Variants in MAGI1 observed in about 807,000 individuals in gnomAD.
MAGI1 encodes the protein membrane-associated guanylate kinase, WW and PDZ domain-containing protein 1.
In MAGI1, 58 loss-of-function variants were observed where a neutral mutation model predicts 139.9. The ratio of observed to expected loss-of-function variants is 0.41; its 90% CI spans 0.34 to 0.52. The LOEUF is 0.52. Ranked by LOEUF, MAGI1 falls within the 20% of genes least tolerant of loss-of-function variation. MAGI1 has a pLI of 0.12. For missense variants in MAGI1, 1,874 were observed against 1,901.6 expected (o/e 0.99, Z 0.27); for synonymous variants, 812 against 737.9 (o/e 1.10, Z -1.63).
At chr3:65,387,697 T>A (rs1451433811) in intron 14 of MAGI1, among the ~76,000 whole-genome samples, 1 of 152,194 alleles carries the variant, frequency 6.6e-6, no homozygotes, top group Non-Finnish European at 1.5e-5. Flanking sequence ...GCCAGAATAG[T>A]CTTATATTTA....
At chr3:65,604,609 T>C (rs1423104180) in intron 2 of MAGI1, among the ~76,000 whole-genome samples, 8 of 152,108 alleles carry the variant, frequency 5.3e-5, no homozygotes, top group Admixed American at 3.9e-4. Context: ...GTTTTCCTTA[T>C]AAGAACCTTT....
chr3:65,751,826 T>C (rs542860346), intron 1 of MAGI1, among the ~76,000 whole-genome samples: 3 of 152,380 alleles, frequency 2.0e-5, no homozygotes, highest in East Asian at 1.9e-4. Flanking sequence ...TCAAAAGACT[T>C]GATCTCCATC....
At chr3:65,495,123 T>G (rs867514084) in intron 2 of MAGI1, among the ~76,000 whole-genome samples, 3 of 152,244 alleles carry the variant, frequency 2.0e-5, no homozygotes, top group Middle Eastern at 6.8e-3. Flanking sequence ...ACAGGAAACA[T>G]AGAGACAGTA....
At chr3:65,359,211 A>G in intron 22 of MAGI1, 4 of 1,600,410 alleles carry the variant, frequency 2.5e-6, no homozygotes, top group Middle Eastern at 1.9e-4. Flanking sequence ...AGAGAGAAAG[A>G]GAAAAAGTTG....
In MAGI1 at chr3:65,538,392, C is replaced by T. The variant is rs149299502; in HGVS notation, c.431-44761G>A. Reference sequence around the variant, plus strand: ...AGATTAAAAGATACACACCATCCTTCCATGTGGTGATAAAAAACACTGATC... The same window carrying T: ...AGATTAAAAGATACACACCATCCTTTCATGTGGTGATAAAAAACACTGATC... On this transcript the variant is annotated intron_variant, in intron 2 of 22. Coordinates refer to ENST00000402939, the MANE Select transcript of MAGI1 (RefSeq NM_001033057.2). 1.1e-3 allele frequency among the ~76,000 whole-genome samples: 169 copies of T among 152,264 alleles called. 4 individuals carry two copies. In the South Asian group the frequency reaches 0.013, roughly 12 times the overall value.
chr3:65,370,665 G>T (rs1019910856), intron 18 of MAGI1, among the ~76,000 whole-genome samples: 2 of 152,066 alleles, frequency 1.3e-5, no homozygotes, highest in East Asian at 3.9e-4. Flanking sequence ...CTGAGACATG[G>T]TCTCAGTCTG....
Position 65,470,294 on chromosome 3 carries a change from G to T in MAGI1, c.948C>A (p.Val316=). 1 of 1,604,074 alleles carries T rather than the reference G, an allele frequency of 6.2e-7. No individual in the cohort carries two copies. Among genetic ancestry groups the T allele is most frequent in the Non-Finnish European group, 8.5e-7 (1 of 1,171,084 alleles). The change falls in exon 5 of 23, where the codon GTC becomes GTA. Residue 316 remains valine, a synonymous_variant. Transcript: ENST00000402939. The part of the protein sequence containing the change: ...WEMAYTENGE[V]YFIDHNTKTT... Reference sequence around the variant, plus strand: ...ATGGTATACTTTACTCTATAAAATAGACTTCTCCATTTTCAGTATAGGCCA... The same window carrying T: ...ATGGTATACTTTACTCTATAAAATATACTTCTCCATTTTCAGTATAGGCCA...
At chr3:65,878,171 C>G (rs756490180) in intron 1 of MAGI1, among the ~76,000 whole-genome samples, 2 of 151,830 alleles carry the variant, frequency 1.3e-5, no homozygotes, top group Non-Finnish European at 2.9e-5. Flanking sequence ...TGGGCTTTGG[C>G]AAAACCTCAC....
At chr3:66,003,406 A>G (rs1038046209) in intron 1 of MAGI1, among the ~76,000 whole-genome samples, 1 of 151,984 alleles carries the variant, frequency 6.6e-6, no homozygotes, top group African/African-American at 2.4e-5. Flanking sequence ...CTGTAATCCC[A>G]ACACTTTGGG....
chr3:65,860,569 T>C (rs1448861210), intron 1 of MAGI1, among the ~76,000 whole-genome samples: 1 of 152,020 alleles, frequency 6.6e-6, no homozygotes, highest in African/African-American at 2.4e-5. Context: ...GCTGCAGGGA[T>C]CTCTAACAGG....
At chr3:65,812,460 T>TCA (rs1241847173) in intron 1 of MAGI1, among the ~76,000 whole-genome samples, 20 of 99,284 alleles carry the variant, frequency 2.0e-4, no homozygotes, top group African/African-American at 6.8e-4. Flanking sequence ...TCTCTCTCTC[T>TCA]CTCTCTCTCA....
intron 1 of MAGI1, among the ~76,000 whole-genome samples, chr3:65,923,242 T>TC (rs910429209): frequency 6.6e-6 from 1 of 151,300 alleles, no homozygotes; most frequent in African/African-American, 2.4e-5. Flanking sequence ...TTTTTTTTTT[T>TC]TGAGATGGAG....
intron 5 of MAGI1, among the ~76,000 whole-genome samples, chr3:65,457,070 C>T (rs982494345): frequency 6.6e-6 from 1 of 152,092 alleles, no homozygotes; most frequent in Non-Finnish European, 1.5e-5. Flanking sequence ...ATAAACTTGT[C>T]TGTATCTACA....
Position 65,426,509 on chromosome 3 carries a change from A to C in MAGI1, c.2167+3011T>G, listed in dbSNP as rs565064417. ...CTCACGACAGGAATTCCTGAGACTC[A>C]TGGAACAGTGTAGATGAGTTTATCA... is the stretch of plus-strand genomic sequence containing the variant. On this transcript the variant is annotated intron_variant, in intron 12 of 22. Coordinates refer to ENST00000402939, the MANE Select transcript of MAGI1 (RefSeq NM_001033057.2). Among the ~76,000 whole-genome samples, 4 of 152,324 alleles carry C rather than the reference A, an allele frequency of 2.6e-5. No homozygotes were observed. In the South Asian group the frequency reaches 8.3e-4, roughly 32 times the overall value.
At chr3:65,619,993 T>A (rs1011017427) in intron 2 of MAGI1, 3 of 985,258 alleles carry the variant, frequency 3.0e-6, no homozygotes, top group Non-Finnish European at 3.6e-6. Context: ...AAAGACAGAG[T>A]TCGTTTTTGC....
At chr3:65,693,324 G>A (rs2107574804) in intron 1 of MAGI1, among the ~76,000 whole-genome samples, 1 of 152,228 alleles carries the variant, frequency 6.6e-6, no homozygotes, top group East Asian at 1.9e-4. Context: ...CTAAGACAGA[G>A]GCTAAAACTT....
chr3:66,016,383 T>A (rs949968942), intron 1 of MAGI1, among the ~76,000 whole-genome samples: 6 of 152,100 alleles, frequency 3.9e-5, no homozygotes, highest in African/African-American at 1.4e-4. Context: ...CCGGACTACA[T>A]GAAATTCAAA....
chr3:65,766,802 T>C (rs1385473867), intron 1 of MAGI1, among the ~76,000 whole-genome samples: 3 of 151,896 alleles, frequency 2.0e-5, no homozygotes, highest in Non-Finnish European at 2.9e-5. Flanking sequence ...GGCAGGAGAA[T>C]CGCTTAAACC....
chr3:65,466,794 C>G (rs915353932), intron 5 of MAGI1, among the ~76,000 whole-genome samples: 2 of 152,218 alleles, frequency 1.3e-5, no homozygotes, highest in Non-Finnish European at 2.9e-5. Flanking sequence ...ATGCAAAGTG[C>G]CAGCTCTACA....
Sources: allele counts gnomAD v4.1 joint callset (sites outside exome capture counted in the v4.1 genomes callset), GRCh38; gene constraint gnomAD v4.1.1; transcripts MANE v1.5; gene names NCBI Gene and HGNC (gene_info 2026-07-23, HGNC 2026-07-21).